The following TENM4 variants were observed in gnomAD, a reference collection of about 807,000 sequenced individuals.
The protein encoded by TENM4 is teneurin-4.
Under a neutral mutation model 243.3 loss-of-function variants are expected in TENM4, and 82 were observed. That is an observed-to-expected ratio of 0.34 (90% confidence interval 0.28 to 0.40). The LOEUF is 0.40. Ranked by LOEUF, TENM4 falls within the 10% of genes least tolerant of loss-of-function variation. The pLI is 1.00. For synonymous variants in TENM4, 1,412 were observed against 1,456.3 expected (o/e 0.97, Z 0.69); for missense variants, 3,138 against 3,673.3 (o/e 0.85, Z 3.77).
chr11:79,143,252 A>C (rs540808300), intron 4 of TENM4, among the ~76,000 whole-genome samples: 1 of 152,312 alleles, frequency 6.6e-6, no homozygotes, highest in African/African-American at 2.4e-5. Context: ...CACTATTCAC[A>C]ATAGCAAAGA....
intron 6 of TENM4, among the ~76,000 whole-genome samples, chr11:78,955,170 G>T (rs1228952479): frequency 6.6e-6 from 1 of 152,218 alleles, no homozygotes; most frequent in Non-Finnish European, 1.5e-5. Flanking sequence ...GCAGCTCTGT[G>T]CTAAGCTGCA....
Position 79,286,316 on chromosome 11 carries a change from T to C in TENM4, c.-265+11172A>G, listed in dbSNP as rs1478328238. 2.0e-5 allele frequency among the ~76,000 whole-genome samples: 3 copies of C among 152,108 alleles called. No individual in the cohort carries two copies. The East Asian group carries it at 5.8e-4, about 29-fold the overall frequency. On this transcript the variant is annotated intron_variant, in intron 2 of 33. Transcript: ENST00000278550. ...TTGCTCTACTAGTTACTATGTATTC[T>C]GGGTAAGTGGCTTCACGTTTGACCT...
At chr11:78,842,621 T>A (rs775042401) in intron 12 of TENM4, among the ~76,000 whole-genome samples, 1 of 152,254 alleles carries the variant, frequency 6.6e-6, no homozygotes, top group Non-Finnish European at 1.5e-5. Context: ...CCTCTGGGTA[T>A]CACCCTCTCA....
intron 2 of TENM4, among the ~76,000 whole-genome samples, chr11:79,282,049 C>T (rs1156762770): frequency 6.6e-6 from 1 of 152,204 alleles, no homozygotes; most frequent in Non-Finnish European, 1.5e-5. Context: ...TCTGACATTC[C>T]TCTGAACATG....
intron 2 of TENM4, among the ~76,000 whole-genome samples, chr11:79,249,483 T>C (rs181016826): frequency 2.0e-4 from 31 of 152,346 alleles, no homozygotes; most frequent in Non-Finnish European, 4.3e-4. Context: ...AGGCCTCTGC[T>C]ATGTGTCAGG....
intron 1 of TENM4, among the ~76,000 whole-genome samples, chr11:79,400,736 CA>C (rs1858443719): frequency 6.6e-6 from 1 of 152,324 alleles, no homozygotes; most frequent in East Asian, 1.9e-4. Context: ...ACAGTGCCTG[CA>C]CAGAGGAAAC....
At position 79,254,653 on chromosome 11, in the gene TENM4, CA is replaced by C. The variant is rs1344481419; in HGVS notation, c.-264-38745del. Among the ~76,000 whole-genome samples the C allele has an allele frequency of 2.0e-5, 3 of 152,278 alleles. No individual in the cohort carries two copies. In the East Asian group the frequency reaches 5.8e-4, roughly 29 times the overall value. ...ATTTTGTTTTCCTTACCCTTGCACACATCAAAAATCACTTATATTAAGTGCT... is the reference window on the plus strand; with the variant it reads ...ATTTTGTTTTCCTTACCCTTGCACACTCAAAAATCACTTATATTAAGTGCT... On this transcript the variant is annotated intron_variant, in intron 2 of 33. Transcript: ENST00000278550.
intron 3 of TENM4, among the ~76,000 whole-genome samples, chr11:79,158,539 G>T (rs1334756672): frequency 1.3e-5 from 2 of 152,318 alleles, no homozygotes; most frequent in East Asian, 3.9e-4. Context: ...TAAGACTCTT[G>T]ACATATTGAC....
chr11:78,787,999 C>T (rs1472588911), intron 15 of TENM4, among the ~76,000 whole-genome samples: 1 of 152,226 alleles, frequency 6.6e-6, no homozygotes, highest in Non-Finnish European at 1.5e-5. Flanking sequence ...AGCTCTCTGC[C>T]AGGGCTCTGA....
Position 78,787,077 on chromosome 11 carries a change from C to G in TENM4, c.2186G>C (p.Cys729Ser). Residue 729 changes from cysteine (C) to serine (S), a missense_variant, in exon 16 of 34, where the codon TGT (cysteine) becomes TCT (serine). Physicochemically the swap from Cys to Ser is moderately radical, Grantham distance 112. This residue lies in a region of TENM4 where 2,467 missense variants were observed against 3,059.1 expected (regional missense o/e 0.81). Coordinates refer to ENST00000278550, the MANE Select transcript of TENM4 (RefSeq NM_001098816.3). ...GCCATGGCCACCACAGTCGGCAGCACAGATCTCTGTGGGGAGGAGCAGAAG... is the reference window on the plus strand; with the variant it reads ...GCCATGGCCACCACAGTCGGCAGCAGAGATCTCTGTGGGGAGGAGCAGAAG... Reference protein sequence around the residue: ...WTGHDCSIEICAADCGGHGVC... With the variant: ...WTGHDCSIEISAADCGGHGVC... 6.5e-7 allele frequency: 1 copy of G among 1,544,550 alleles called. No individual in the cohort carries two copies. The highest frequency in any genetic ancestry group is 1.2e-5 in the South Asian group (1 of 83,328).
At chr11:78,922,821 G>A (rs1168548551) in intron 6 of TENM4, among the ~76,000 whole-genome samples, 1 of 152,160 alleles carries the variant, frequency 6.6e-6, no homozygotes, top group Admixed American at 6.5e-5. Context: ...CCCGGAGGTA[G>A]AAGACTCTCA....
At chr11:79,223,047 G>A (rs921601938) in intron 2 of TENM4, among the ~76,000 whole-genome samples, 11 of 152,026 alleles carry the variant, frequency 7.2e-5, no homozygotes, top group Admixed American at 5.9e-4. Context: ...TAATAACTAG[G>A]TGATGGGTTG....
At chr11:78,936,734 T>C (rs1333660462) in intron 6 of TENM4, among the ~76,000 whole-genome samples, 3 of 152,202 alleles carry the variant, frequency 2.0e-5, no homozygotes, top group African/African-American at 4.8e-5. Flanking sequence ...GAGGGTTTAA[T>C]GAACTAAAAT....
At chr11:78,895,337 CAA>C (rs35367511) in intron 7 of TENM4, among the ~76,000 whole-genome samples, 15,095 of 136,566 alleles carry the variant, frequency 0.11, 993 homozygotes, top group African/African-American at 0.23. Flanking sequence ...ACTCCGTCTC[CAA>C]AAAAAAAAAA....
chr11:79,379,805 G>C (rs1017697326), intron 1 of TENM4, among the ~76,000 whole-genome samples: 1 of 152,190 alleles, frequency 6.6e-6, no homozygotes, highest in African/African-American at 2.4e-5. Context: ...ACAATGGATG[G>C]GCTGAGGGTG....
intron 6 of TENM4, among the ~76,000 whole-genome samples, chr11:78,989,920 C>T (rs937928712): frequency 6.6e-5 from 10 of 151,896 alleles, no homozygotes; most frequent in Non-Finnish European, 1.2e-4. Flanking sequence ...AAAAATTAGC[C>T]GAGTGTGGTG....
At chr11:79,064,667 A>C in intron 6 of TENM4, 71 bp downstream of exon 6, 1 of 1,529,024 alleles carries the variant, frequency 6.5e-7, no homozygotes, top group Non-Finnish European at 8.8e-7. Flanking sequence ...GTGGAGCAGG[A>C]AATCAATATT....
intron 2 of TENM4, among the ~76,000 whole-genome samples, chr11:79,219,767 T>C (rs1476529609): frequency 6.6e-6 from 1 of 152,150 alleles, no homozygotes; most frequent in African/African-American, 2.4e-5. Context: ...TGTCCACCGG[T>C]ATGTGGAGCT....
In TENM4 at chr11:79,029,858, T is replaced by C. The variant is rs553447992; in HGVS notation, c.493+34880A>G. Among the ~76,000 whole-genome samples the C allele has an allele frequency of 2.4e-4, 36 of 152,258 alleles. No homozygotes were observed. In the South Asian group the frequency reaches 7.5e-3, roughly 32 times the overall value. On this transcript the variant is annotated intron_variant, in intron 6 of 33. Transcript: ENST00000278550. ...ATTCACTTCGGTAACAGCTTTTATTTTGAGAAATCCCCGGGTCCTTTATGG... is the reference window on the plus strand; with the variant it reads ...ATTCACTTCGGTAACAGCTTTTATTCTGAGAAATCCCCGGGTCCTTTATGG...
Sources: gnomAD v4.1 joint callset for allele counts (sites outside exome capture counted in the v4.1 genomes callset) on GRCh38, gnomAD v4.1.1 for gene constraint, gnomAD v4.1.1 regional missense constraint, MANE v1.5 for transcripts, NCBI Gene and HGNC (gene_info 2026-07-23, HGNC 2026-07-21) for gene names.